Variants in VTI1A observed in about 807,000 individuals in gnomAD.
VTI1A encodes the protein vesicle transport through interaction with t-SNAREs homolog 1A.
VTI1A carries 22 observed loss-of-function variants against 34.9 expected under a neutral mutation model. The ratio of observed to expected loss-of-function variants is 0.63; its 90% CI spans 0.45 to 0.90. VTI1A has a LOEUF of 0.90. VTI1A is among the 40% of genes least tolerant of loss of function. The probability of loss-of-function intolerance (pLI) is 0.00; values close to 1 mark genes in which losing one functional copy is unlikely to be tolerated. For missense variants in VTI1A, 268 were observed against 275.6 expected, an observed-to-expected ratio of 0.97 and a Z score of 0.20; for synonymous variants, 87 against 97.3, an observed-to-expected ratio of 0.89 and a Z score of 0.62.
At chr10:112,520,123 A>T (rs1026240052) in intron 3 of VTI1A, among the ~76,000 whole-genome samples, 1 of 152,082 alleles carries the variant, frequency 6.6e-6, no homozygotes, top group Non-Finnish European at 1.5e-5. Flanking sequence ...TGATTATTTC[A>T]AGTAGAGTCT....
chr10:112,802,092 A>T (rs955575420), intron 7 of VTI1A, among the ~76,000 whole-genome samples: 1 of 152,116 alleles, frequency 6.6e-6, no homozygotes, highest in African/African-American at 2.4e-5. Flanking sequence ...ACTAAAAAAA[A>T]TTTTAAATTA....
chr10:112,565,521 T>C (rs1851878650), intron 5 of VTI1A, among the ~76,000 whole-genome samples: 1 of 152,196 alleles, frequency 6.6e-6, no homozygotes, highest in Non-Finnish European at 1.5e-5. Context: ...CAATAGAAGC[T>C]AAATTCTTTC....
downstream of VTI1A, among the ~76,000 whole-genome samples, chr10:112,822,582 A>G (rs1322395878): frequency 6.6e-6 from 1 of 152,138 alleles, no homozygotes; most frequent in Non-Finnish European, 1.5e-5. Flanking sequence ...CCTTCCCCAC[A>G]CTGCCACATC....
At chr10:112,719,580 CT>C (rs1299022488) in intron 7 of VTI1A, among the ~76,000 whole-genome samples, 17 of 150,516 alleles carry the variant, frequency 1.1e-4, no homozygotes, top group African/African-American at 3.4e-4. Flanking sequence ...GAGATTTGCT[CT>C]TGTTGCCCAG....
At chr10:112,752,379 G>A in intron 7 of VTI1A, 1 of 985,260 alleles carries the variant, frequency 1.0e-6, no homozygotes, top group Non-Finnish European at 1.2e-6. Context: ...TTACATTATC[G>A]ACTAGTCTGA....
the VTI1A span, among the ~76,000 whole-genome samples, chr10:112,842,105 C>G: frequency 7.3e-5 from 9 of 123,854 alleles, no homozygotes; most frequent in African/African-American, 2.8e-4. Context: ...CCCTGTCTCC[C>G]AGGCTGGAGT....
chr10:112,447,145 C>G, upstream of VTI1A: 3 of 525,064 alleles, frequency 5.7e-6, no homozygotes, highest in South Asian at 2.6e-5. Context: ...TGCGAACTTA[C>G]TTATCTTAAA....
chr10:112,709,368 TG>T (rs768440592), intron 7 of VTI1A, among the ~76,000 whole-genome samples: 24 of 152,138 alleles, frequency 1.6e-4, no homozygotes, highest in Admixed American at 4.6e-4. Context: ...CAGACAGAAC[TG>T]CCCCCCTGGT....
intron 7 of VTI1A, among the ~76,000 whole-genome samples, chr10:112,787,524 T>C (rs1852323547): frequency 6.6e-6 from 1 of 152,120 alleles, no homozygotes; most frequent in Non-Finnish European, 1.5e-5. Flanking sequence ...TAAATTTCTC[T>C]CTAAGCTCTG....
At chr10:112,448,235 C>G (rs1478217691) in intron 1 of VTI1A, 5 of 152,120 alleles carry the variant, frequency 3.3e-5, no homozygotes, top group African/African-American at 1.2e-4. Context: ...CCCCCCACCC[C>G]CATTTCTTGT....
chr10:112,706,571 G>A (rs1252806493), intron 7 of VTI1A, among the ~76,000 whole-genome samples: 1 of 152,168 alleles, frequency 6.6e-6, no homozygotes, highest in Non-Finnish European at 1.5e-5. Context: ...GTAGGAAAGA[G>A]ACAAAGCTAT....
At position 112,611,737 on chromosome 10, in the gene VTI1A, A is replaced by ATTTTTTTTTTTT. The variant is rs3057346; in HGVS notation, c.428-56470_428-56459dup. ...TAAAGCCCATTTGGTGAGAAAGGTA[A>ATTTTTTTTTTTT]TTTTTTTTTTTTTTTTTTTTTTGTG... On this transcript the variant is annotated intron_variant, in intron 5 of 7. Transcript: ENST00000393077. Among the ~76,000 whole-genome samples, 92 of 100,782 alleles carry ATTTTTTTTTTTT rather than the reference A, an allele frequency of 9.1e-4. 6 individuals carry two copies. Among genetic ancestry groups the ATTTTTTTTTTTT allele is most frequent in the African/African-American group, 3.8e-3 (85 of 22,348 alleles). 66.1% of individuals were successfully genotyped at this position (100,782 alleles called of 152,430 possible).
intron 7 of VTI1A, among the ~76,000 whole-genome samples, chr10:112,703,754 A>G (rs1849097136): frequency 6.6e-6 from 1 of 152,204 alleles, no homozygotes; most frequent in South Asian, 2.1e-4. Flanking sequence ...AACATTTGCT[A>G]CTTCACTCAT....
In VTI1A at chr10:112,727,751, A is replaced by G. The variant is rs183383866; in HGVS notation, c.560+58753A>G. Among the ~76,000 whole-genome samples the G allele has an allele frequency of 4.9e-4, 75 of 152,098 alleles. 1 individual carries two copies. The highest frequency in any genetic ancestry group is 4.4e-5 in the Non-Finnish European group (3 of 67,982). ...TAATTTACTTAATTGACAGAATAAG[A>G]GTTTATTATAAATGAAAGGCAAACG... On this transcript the variant is annotated intron_variant, in intron 7 of 7. Transcript: ENST00000393077.
chr10:112,615,817 G>A (rs1476377414), intron 5 of VTI1A, among the ~76,000 whole-genome samples: 1 of 152,170 alleles, frequency 6.6e-6, no homozygotes, highest in African/African-American at 2.4e-5. Context: ...AAGAGCCAAA[G>A]CAAAGGCCCT....
chr10:112,622,917 G>A (rs1322224955), intron 5 of VTI1A, among the ~76,000 whole-genome samples: 1 of 152,190 alleles, frequency 6.6e-6, no homozygotes, highest in African/African-American at 2.4e-5. Flanking sequence ...TATTTTTGGA[G>A]TTAGTAAGCA....
intron 1 of VTI1A, among the ~76,000 whole-genome samples, chr10:112,459,301 G>A (rs778210881): frequency 2.0e-5 from 3 of 152,098 alleles, no homozygotes; most frequent in East Asian, 1.9e-4. Context: ...GCCATTGCAC[G>A]CTTGCTTTCT....
In VTI1A at chr10:112,789,317, C is replaced by A. The variant is rs572858467; in HGVS notation, c.561-25973C>A. ...GGATAGTATTGCTAGATATAGAATT[C>A]TTGGTTGATAAGTCCCCCACCTCAC... On this transcript the variant is annotated intron_variant, in intron 7 of 7. Coordinates refer to ENST00000393077, the MANE Select transcript of VTI1A (RefSeq NM_145206.4). Among the ~76,000 whole-genome samples the A allele has an allele frequency of 4.6e-5, 7 of 152,226 alleles. No individual in the cohort carries two copies. The South Asian group carries it at 6.2e-4, about 14-fold the overall frequency.
At chr10:112,736,707 T>C (rs1850489498) in intron 7 of VTI1A, 1 of 1,551,834 alleles carries the variant, frequency 6.4e-7, no homozygotes, top group Non-Finnish European at 8.7e-7. Context: ...TAAGGATTTC[T>C]CTTCACTGTT....
Sources: allele counts gnomAD v4.1 joint callset (sites outside exome capture counted in the v4.1 genomes callset), GRCh38; gene constraint gnomAD v4.1.1; transcripts MANE v1.5; gene names NCBI Gene and HGNC (gene_info 2026-07-23, HGNC 2026-07-21).